The following ARFGAP3 variants were observed in gnomAD, a reference collection of about 807,000 sequenced individuals.
ARFGAP3 encodes the protein ADP-ribosylation factor GTPase-activating protein 3.
A neutral mutation model predicts 75.0 loss-of-function variants in ARFGAP3; 72 were observed. The observed-to-expected ratio is 0.96, with a 90% CI of 0.79 to 1.17. The LOEUF is 1.17. Among genes scored for constraint, ARFGAP3 ranks in the 50% most tolerant of loss-of-function variants. The probability of loss-of-function intolerance (pLI) is 0.00; values close to 1 mark genes in which losing one functional copy is unlikely to be tolerated. For synonymous variants in ARFGAP3, 221 were observed against 217.9 expected, an observed-to-expected ratio of 1.01 and a Z score of -0.13; for missense variants, 620 against 626.6, an observed-to-expected ratio of 0.99 and a Z score of 0.11.
At chr22:42,797,717 G>A in intron 15 of ARFGAP3, 112 bp from the exon 16 acceptor site, 2 of 1,609,454 alleles carry the variant, frequency 1.2e-6, no homozygotes, top group Non-Finnish European at 1.7e-6. Flanking sequence ...TGTCAGGCAT[G>A]TGACATGGAC....
At chr22:42,815,928 C>T (rs1925559779) in intron 11 of ARFGAP3, among the ~76,000 whole-genome samples, 1 of 152,166 alleles carries the variant, frequency 6.6e-6, no homozygotes, top group Non-Finnish European at 1.5e-5. Context: ...GCCTGGCCAA[C>T]ATGGCGAAAC....
chr22:42,803,686 G>C (rs767892004), intron 14 of ARFGAP3, among the ~76,000 whole-genome samples: 10 of 152,164 alleles, frequency 6.6e-5, no homozygotes, highest in Non-Finnish European at 1.3e-4. Flanking sequence ...TGCTGTGCCA[G>C]GTCAGGTTGG....
chr22:42,848,748 G>A (rs1755786361), intron 1 of ARFGAP3, among the ~76,000 whole-genome samples: 1 of 152,198 alleles, frequency 6.6e-6, no homozygotes, highest in Admixed American at 6.5e-5. Flanking sequence ...GCCAGAGGAA[G>A]AGGTTGTGGC....
Position 42,817,740 on chromosome 22 carries a change from T to C in ARFGAP3, c.930A>G (p.Gly310=). ...VDSDRLGMGF[G]NCRSVISHSV... is the part of the protein sequence containing the mutation. ...GCAGTCTCACATACCTTCTGCAATT[T>C]CCAAATCCCATGCCGAGTCTGTCTG... is the stretch of plus-strand genomic sequence containing the variant. The change falls in exon 10 of 16, where the codon GGA becomes GGG. Residue 310 remains glycine, a synonymous_variant. Transcript: ENST00000263245. 1 of 1,612,590 alleles carries C rather than the reference T, an allele frequency of 6.2e-7. No individual in the cohort carries two copies. Among genetic ancestry groups the C allele is most frequent in the Non-Finnish European group, 8.5e-7 (1 of 1,179,300 alleles).
At chr22:42,824,419 T>TAGTAGTGTAGTA (rs1925950914) in intron 7 of ARFGAP3, among the ~76,000 whole-genome samples, 1 of 152,000 alleles carries the variant, frequency 6.6e-6, no homozygotes, top group African/African-American at 2.4e-5. Context: ...TGTAGTAGTG[T>TAGTAGTGTAGTA]GATCAGAGCT....
At chr22:42,839,353 C>T (rs1926678514) in intron 3 of ARFGAP3, among the ~76,000 whole-genome samples, 1 of 151,732 alleles carries the variant, frequency 6.6e-6, no homozygotes, top group Admixed American at 6.6e-5. Context: ...AATTCCAGCA[C>T]TTTGAGAGGC....
At chr22:42,820,743 C>CCTT (rs151191135) in intron 9 of ARFGAP3, among the ~76,000 whole-genome samples, 5,838 of 152,190 alleles carry the variant, frequency 0.038, 154 homozygotes, top group African/African-American at 0.074. Flanking sequence ...CACCCTCCGC[C>CCTT]CTTCTCTCCT....
At chr22:42,797,768 C>T (rs1924669669) in intron 15 of ARFGAP3, 163 bp from the exon 16 acceptor site, 6 of 984,812 alleles carry the variant, frequency 6.1e-6, no homozygotes, top group Non-Finnish European at 7.2e-6. Context: ...GCAGCCATTG[C>T]TGCAGCTTCA....
At position 42,817,833 on chromosome 22, in the gene ARFGAP3, A is replaced by G. The variant is rs1925648846; in HGVS notation, c.837T>C (p.Tyr279=). The change falls in exon 10 of 16, where the codon TAT becomes TAC. Residue 279 remains tyrosine (Y), a synonymous_variant. Coordinates refer to ENST00000263245, the MANE Select transcript of ARFGAP3 (RefSeq NM_014570.5). ...TCTTCATTTGAATTTCAAGATCCTT[A>G]TAGGCTAATCGTAATGATGAAACAC... ...ESIVSSLRLA[Y]KDLEIQMKKD... is the part of the protein sequence containing the mutation. The G allele has an allele frequency of 1.9e-6, 3 of 1,611,232 alleles. No homozygotes were observed. Among genetic ancestry groups the G allele is most frequent in the Non-Finnish European group, 1.7e-6 (2 of 1,178,838 alleles).
At chr22:42,807,793 ATTTCT>A (rs1205756517) in intron 13 of ARFGAP3, among the ~76,000 whole-genome samples, 1 of 148,726 alleles carries the variant, frequency 6.7e-6, no homozygotes, top group Non-Finnish European at 1.5e-5. Context: ...GTTCATTAAC[ATTTCT>A]TTCTTTTTTT....
chr22:42,835,216 A>G, intron 4 of ARFGAP3, 146 bp downstream of exon 4: 1 of 876,872 alleles, frequency 1.1e-6, no homozygotes, highest in Non-Finnish European at 1.7e-6. Context: ...TACAGAACAT[A>G]ACTACTTCAA....
chr22:42,834,362 T>C (rs1926429370), intron 4 of ARFGAP3, 37 bp from the exon 5 acceptor site: 3 of 1,605,080 alleles, frequency 1.9e-6, no homozygotes, highest in Non-Finnish European at 2.5e-6. Flanking sequence ...GAGCATTTCA[T>C]CCGGCCTGTA....
At chr22:42,836,790 C>T (rs913894893) in intron 3 of ARFGAP3, among the ~76,000 whole-genome samples, 2 of 152,180 alleles carry the variant, frequency 1.3e-5, no homozygotes, top group Non-Finnish European at 2.9e-5. Context: ...ATTCAACCCT[C>T]ATAGCAACAC....
intron 2 of ARFGAP3, among the ~76,000 whole-genome samples, chr22:42,841,514 T>C (rs1351591764): frequency 6.6e-6 from 1 of 152,168 alleles, no homozygotes; most frequent in Non-Finnish European, 1.5e-5. Context: ...AAGTGAAAGC[T>C]ACAAGCACTT....
intron 6 of ARFGAP3, among the ~76,000 whole-genome samples, chr22:42,828,992 C>A (rs912890228): frequency 5.9e-5 from 9 of 152,092 alleles, no homozygotes; most frequent in African/African-American, 2.2e-4. Flanking sequence ...GCCTCAAAGC[C>A]CTTTTATGCT....
chr22:42,857,241 C>T lies in ARFGAP3; in HGVS notation c.-59G>A, dbSNP rs974418037. On this transcript the variant is annotated 5_prime_UTR_variant, in exon 1 of 16. Transcript: ENST00000263245. ...CCAACCGGTAAGAGTCGACGAAAAG[C>T]GGCTACCGCCTCAGCAGGAGCGACG... 10 of 1,486,380 alleles carry T rather than the reference C, an allele frequency of 6.7e-6. No individual in the cohort carries two copies. The highest frequency in any genetic ancestry group is 8.1e-6 in the Non-Finnish European group (9 of 1,113,508). The allele number at this position is 1,486,380 out of a possible 1,614,324, so 92.1% of individuals were successfully genotyped here. A position where few individuals can be genotyped will look rare whatever the true frequency, so the allele number is the denominator to read the frequency against.
chr22:42,844,604 A>AAC (rs1555899738), intron 2 of ARFGAP3, among the ~76,000 whole-genome samples: 1,660 of 146,586 alleles, frequency 0.011, 26 homozygotes, highest in Middle Eastern at 0.031. Flanking sequence ...AAAAAAAAAA[A>AAC]AAATAAAAAA....
intron 1 of ARFGAP3, among the ~76,000 whole-genome samples, chr22:42,848,829 C>T (rs1927141573): frequency 6.6e-6 from 1 of 152,218 alleles, no homozygotes; most frequent in South Asian, 2.1e-4. Flanking sequence ...CTCCACCACC[C>T]TCACTTTACC....
chr22:42,833,523 A>G (rs1026223430), intron 5 of ARFGAP3, among the ~76,000 whole-genome samples: 10 of 152,204 alleles, frequency 6.6e-5, no homozygotes, highest in Non-Finnish European at 1.2e-4. Flanking sequence ...TGGGTGGCCA[A>G]GGCGGGGGTA....
Sources: gnomAD v4.1 joint callset for allele counts (sites outside exome capture counted in the v4.1 genomes callset) on GRCh38, gnomAD v4.1.1 for gene constraint, MANE v1.5 for transcripts, NCBI Gene and HGNC (gene_info 2026-07-23, HGNC 2026-07-21) for gene names.